Variants in MIA2 observed in about 807,000 individuals in gnomAD.
MIA2 encodes the protein melanoma inhibitory activity protein 2.
In MIA2, 127 loss-of-function variants were observed where a neutral mutation model predicts 167.8. The ratio of observed to expected loss-of-function variants is 0.76; its 90% confidence interval spans 0.66 to 0.88. The LOEUF is 0.88. MIA2 is among the 40% of genes least tolerant of loss of function. MIA2 has a pLI of 0.00. For missense variants in MIA2, 1,690 were observed against 1,624.7 expected, an observed-to-expected ratio of 1.04 and a Z score of -0.69; for synonymous variants, 552 against 541.9, an observed-to-expected ratio of 1.02 and a Z score of -0.26.
At chr14:39,299,777 T>C in intron 13 of MIA2, 87 bp from the exon 14 acceptor site, 1 of 1,422,244 alleles carries the variant, frequency 7.0e-7, no homozygotes, top group Non-Finnish European at 9.3e-7. Context: ...ATGTTTTTCT[T>C]TTTTAAGTAG....
intron 17 of MIA2, among the ~76,000 whole-genome samples, chr14:39,307,751 A>G (rs763277786): frequency 2.8e-4 from 42 of 152,078 alleles, no homozygotes; most frequent in Non-Finnish European, 5.1e-4. Context: ...AATGCACTCA[A>G]TGGAGCACTA....
At chr14:39,302,312 G>T in intron 15 of MIA2, 63 bp downstream of exon 15, 2 of 1,566,734 alleles carry the variant, frequency 1.3e-6, no homozygotes, top group East Asian at 2.3e-5. Context: ...TTTCCTTTTC[G>T]TTCCCTGTGT....
chr14:39,333,626 A>G (rs2069490080), intron 25 of MIA2, among the ~76,000 whole-genome samples: 1 of 152,182 alleles, frequency 6.6e-6, no homozygotes, highest in African/African-American at 2.4e-5. Context: ...GCTAAAACAT[A>G]AAAATGGAAA....
intron 23 of MIA2, among the ~76,000 whole-genome samples, chr14:39,365,068 TTTG>T (rs1365943780): frequency 1.3e-5 from 2 of 148,400 alleles, no homozygotes; most frequent in African/African-American, 2.6e-5. Context: ...TAATTGGGGT[TTTG>T]TTGTTTTTTT....
chr14:39,321,162 A>G (rs572774591), intron 24 of MIA2, 106 bp downstream of exon 24: 12 of 1,079,780 alleles, frequency 1.1e-5, no homozygotes, highest in Non-Finnish European at 1.3e-6. Flanking sequence ...AAATACAGGC[A>G]TTCCTTGCAC....
At chr14:39,300,524 G>A (rs564693269) in intron 14 of MIA2, among the ~76,000 whole-genome samples, 1 of 151,896 alleles carries the variant, frequency 6.6e-6, no homozygotes, top group Non-Finnish European at 1.5e-5. Context: ...ATCAAATAAT[G>A]ATATGTAAAA....
chr14:39,288,235 G>A (rs1212473494), intron 9 of MIA2, among the ~76,000 whole-genome samples: 2 of 151,624 alleles, frequency 1.3e-5, no homozygotes, highest in African/African-American at 2.4e-5. Flanking sequence ...CATGAGGTGG[G>A]AGGATGGCTT....
At chr14:39,254,851 G>A (rs1157108888) in intron 6 of MIA2, among the ~76,000 whole-genome samples, 6 of 152,298 alleles carry the variant, frequency 3.9e-5, no homozygotes, top group East Asian at 1.9e-4. Flanking sequence ...GGTGGCAGTC[G>A]AAATGATTGG....
intron 6 of MIA2, among the ~76,000 whole-genome samples, chr14:39,261,324 C>CT (rs1248473943): frequency 6.6e-6 from 1 of 151,954 alleles, no homozygotes; most frequent in Non-Finnish European, 1.5e-5. Context: ...TGAACTCATC[C>CT]TTTTTTATGG....
In MIA2 at chr14:39,326,980, C is replaced by A. The variant is rs758092328; in HGVS notation, c.3613C>A (p.Pro1205Thr). 1.9e-6 allele frequency: 3 copies of A among 1,576,252 alleles called. No individual in the cohort carries two copies. Among genetic ancestry groups the A allele is most frequent in the Admixed American group, 1.9e-5 (1 of 53,186 alleles). The change falls in exon 25 of 29, where the codon CCT (proline) becomes ACT (threonine). Residue 1205 changes from proline to threonine, a missense_variant. Physicochemically the swap from Pro to Thr is conservative, Grantham distance 38. Coordinates refer to ENST00000640607, the MANE Select transcript of MIA2 (RefSeq NM_001329214.4). ...TCCCTCTGACACTGGGTCTCTGTCA[C>A]CTCCATGGGACCAGGACCGTAGGAT... Reference protein sequence around the residue: ...RAPSDTGSLSPPWDQDRRMMF... With the variant: ...RAPSDTGSLSTPWDQDRRMMF...
intron 27 of MIA2, 104 bp downstream of exon 27, chr14:39,347,875 G>A: frequency 9.1e-7 from 1 of 1,101,312 alleles, no homozygotes; most frequent in Admixed American, 3.0e-5. Flanking sequence ...AAGCTGGAGT[G>A]CAGTGGCGCT....
Position 39,313,371 on chromosome 14 carries a change from G to T in MIA2, c.3049G>T (p.Glu1017Ter). The change falls in exon 19 of 29, where the codon GAG (glutamate) becomes TAG (stop). Residue 1017 changes from glutamate to a stop codon, truncating the protein, a stop_gained. Transcript: ENST00000640607. LOFTEE classifies it high-confidence loss of function. The part of the protein sequence containing the change: ...KLTVEENYRL[E>*]KEEKLSKVDE... ...AACAGTAGAGGAAAATTATCGGTTA[G>T]AGAAAGAAGAGAAACTTTCTAAAGT... 6.2e-7 allele frequency: 1 copy of T among 1,601,132 alleles called. No homozygotes were observed. The highest frequency in any genetic ancestry group is 1.1e-5 in the South Asian group (1 of 88,686).
chr14:39,266,846 G>C (rs1300160142), intron 6 of MIA2: 1 of 748,226 alleles, frequency 1.3e-6, no homozygotes, highest in Non-Finnish European at 1.6e-6. Context: ...GGTCGGGGGG[G>C]TGGGGGTTGC....
chr14:39,342,242 ATGAG>A (rs1017434901), intron 25 of MIA2, among the ~76,000 whole-genome samples: 3 of 142,982 alleles, frequency 2.1e-5, no homozygotes, highest in African/African-American at 7.9e-5. Flanking sequence ...ATTCCCACCT[ATGAG>A]TGAGAACATG....
chr14:39,264,219 G>A (rs757113252), intron 6 of MIA2, among the ~76,000 whole-genome samples: 8 of 152,116 alleles, frequency 5.3e-5, no homozygotes, highest in Admixed American at 1.3e-4. Flanking sequence ...CAGTTTCTAC[G>A]TTAATTCGCT....
chr14:39,328,564 G>A (rs895111086), intron 25 of MIA2, among the ~76,000 whole-genome samples: 1 of 152,108 alleles, frequency 6.6e-6, no homozygotes, highest in African/African-American at 2.4e-5. Flanking sequence ...GAATGGTATT[G>A]CCTAGGTTTT....
chr14:39,288,432 CATAT>C lies in MIA2; in HGVS notation c.2131-2546_2131-2543del, dbSNP rs759995143. 2.5e-3 allele frequency among the ~76,000 whole-genome samples: 132 copies of C among 52,846 alleles called. 1 individual carries two copies. Among genetic ancestry groups the C allele is most frequent in the South Asian group, 8.1e-3 (9 of 1,114 alleles). The allele number at this position is 52,846 out of a possible 152,430, so 34.7% of individuals were successfully genotyped here. A position where few individuals can be genotyped will look rare whatever the true frequency, so the allele number is the denominator to read the frequency against. On this transcript the variant is annotated intron_variant, in intron 9 of 28. Transcript: ENST00000640607. ...TTGATTTGAGCGTGTATATATTATA[CATAT>C]ATATATATATATATATATATATATA...
chr14:39,329,628 G>A (rs2068343516), intron 25 of MIA2, among the ~76,000 whole-genome samples: 1 of 147,558 alleles, frequency 6.8e-6, no homozygotes, highest in East Asian at 2.0e-4. Flanking sequence ...TTTGAGATAT[G>A]TTCCATCACT....
chr14:39,339,744 G>T (rs1227502298), intron 25 of MIA2, among the ~76,000 whole-genome samples: 4 of 152,158 alleles, frequency 2.6e-5, no homozygotes, highest in Non-Finnish European at 5.9e-5. Context: ...TAGCCACTAG[G>T]CACATGTGGC....
Sources: gnomAD v4.1 joint callset for allele counts (sites outside exome capture counted in the v4.1 genomes callset) on GRCh38, gnomAD v4.1.1 for gene constraint, MANE v1.5 for transcripts, NCBI Gene and HGNC (gene_info 2026-07-23, HGNC 2026-07-21) for gene names.